Variants in CACNA2D2 observed in about 807,000 individuals in gnomAD.
CACNA2D2 encodes the protein voltage-dependent calcium channel subunit alpha-2/delta-2.
A neutral mutation model predicts 166.4 loss-of-function variants in CACNA2D2; 48 were observed. That is an observed-to-expected ratio of 0.29 (90% confidence interval 0.23 to 0.37). The LOEUF is 0.37. Ranked by LOEUF, CACNA2D2 falls within the 10% of genes least tolerant of loss-of-function variation. The probability of loss-of-function intolerance (pLI) is 1.00; values close to 1 mark genes in which losing one functional copy is unlikely to be tolerated. For synonymous variants in CACNA2D2, 561 were observed against 573.7 expected (o/e 0.98, Z 0.32); for missense variants, 1,122 against 1,433.0 (o/e 0.78, Z 3.50).
At chr3:50,414,183 G>A (rs1707163141) in intron 3 of CACNA2D2, among the ~76,000 whole-genome samples, 1 of 151,966 alleles carries the variant, frequency 6.6e-6, no homozygotes, top group Non-Finnish European at 1.5e-5. Context: ...CTCTGGACCC[G>A]CAAAAACAGC....
chr3:50,407,954 C>T lies in CACNA2D2; in HGVS notation c.406-13786G>A, dbSNP rs565471333. On this transcript the variant is annotated intron_variant, in intron 3 of 37. Coordinates refer to ENST00000424201, the MANE Select transcript of CACNA2D2 (RefSeq NM_006030.4). Reference sequence around the variant, plus strand: ...TAGGCCTTCGATTCTCCTGGGCCTCCCTGGACTCAGGGATTGGTGCGGTAG... The same window carrying T: ...TAGGCCTTCGATTCTCCTGGGCCTCTCTGGACTCAGGGATTGGTGCGGTAG... Among the ~76,000 whole-genome samples the T allele has an allele frequency of 2.0e-5, 3 of 152,184 alleles. No homozygotes were observed. The South Asian group carries it at 6.2e-4, about 32-fold the overall frequency.
intron 1 of CACNA2D2, among the ~76,000 whole-genome samples, chr3:50,496,137 A>T (rs1698712534): frequency 1.3e-5 from 2 of 152,180 alleles, no homozygotes; most frequent in African/African-American, 4.8e-5. Context: ...ATTAACCTCA[A>T]AGGCAGGTGG....
At chr3:50,501,831 C>T (rs1401234266) in intron 1 of CACNA2D2, among the ~76,000 whole-genome samples, 1 of 152,122 alleles carries the variant, frequency 6.6e-6, no homozygotes, top group Admixed American at 6.5e-5. Flanking sequence ...AAGACAATAA[C>T]GCATCCACCA....
Position 50,367,190 on chromosome 3 carries a change from G to GTCCAATCCCGGGATGAC in CACNA2D2, c.2402-98_2402-82dup, listed in dbSNP as rs1704355688. ...TATGCTGGGTCCTACAAACCCAGCA[G>GTCCAATCCCGGGATGAC]TCCAATCCCGGGATGACTCCAGCCC... On this transcript the variant is annotated intron_variant, in intron 27 of 37. Transcript: ENST00000424201. This position sits in a 1 kb window ranked among gnomAD's most constrained non-coding sequence, Gnocchi z 6.5. The GTCCAATCCCGGGATGAC allele has an allele frequency of 8.7e-7, 1 of 1,155,260 alleles. No individual in the cohort carries two copies. Among genetic ancestry groups the GTCCAATCCCGGGATGAC allele is most frequent in the South Asian group, 1.3e-5 (1 of 77,578 alleles). 71.6% of individuals were successfully genotyped at this position (1,155,260 alleles called of 1,614,324 possible). A position where few individuals can be genotyped will look rare whatever the true frequency, so the allele number is the denominator to read the frequency against.
At chr3:50,469,070 C>A (rs1162671082) in intron 2 of CACNA2D2, among the ~76,000 whole-genome samples, 1 of 152,040 alleles carries the variant, frequency 6.6e-6, no homozygotes, top group Admixed American at 6.6e-5. Context: ...CTCAAATGAT[C>A]TGCCCGCCTC....
intron 3 of CACNA2D2, among the ~76,000 whole-genome samples, chr3:50,429,613 A>T (rs1286242512): frequency 2.3e-5 from 3 of 130,822 alleles, no homozygotes; most frequent in Non-Finnish European, 4.9e-5. Flanking sequence ...AAAAAAAAAA[A>T]AAAAAAATTA....
At chr3:50,384,484 G>T in intron 5 of CACNA2D2, 147 bp from the exon 6 acceptor site, 1 of 969,928 alleles carries the variant, frequency 1.0e-6, no homozygotes, top group Non-Finnish European at 1.5e-6. Context: ...AGACACAGAT[G>T]GAGAGACTCA....
At position 50,377,750 on chromosome 3, in the gene CACNA2D2, A is replaced by G; in HGVS notation, c.1533T>C (p.Asp511=). 1.2e-6 allele frequency: 2 copies of G among 1,613,160 alleles called. No individual in the cohort carries two copies. The highest frequency in any genetic ancestry group is 4.5e-5 in the East Asian group (2 of 44,866). ...GTLPVFNLTQ[D]GPGEKKNQLI... Reference sequence around the variant, plus strand: ...TCCTCACCTTCTTTTCCCCAGGGCCATCCTGTGTCAGGTTGAAAACAGGGA... The same window carrying G: ...TCCTCACCTTCTTTTCCCCAGGGCCGTCCTGTGTCAGGTTGAAAACAGGGA... The change falls in exon 16 of 38, where the codon GAT becomes GAC. Residue 511 remains aspartate, a synonymous_variant. Transcript: ENST00000424201.
chr3:50,471,647 G>T lies in CACNA2D2; in HGVS notation c.288+4471C>A, dbSNP rs149564417. Among the ~76,000 whole-genome samples the T allele has an allele frequency of 1.2e-3, 183 of 152,310 alleles. 1 individual carries two copies. Among genetic ancestry groups the T allele is most frequent in the African/African-American group, 4.1e-3 (169 of 41,562 alleles). On this transcript the variant is annotated intron_variant, in intron 2 of 37. Coordinates refer to ENST00000424201, the MANE Select transcript of CACNA2D2 (RefSeq NM_006030.4). ...TGTGTTTCAGATGTTGGTGGTGCCG[G>T]CTGAGGTGGAGGGTGGAAGGGGACA...
rs535544729 is a variant in CACNA2D2, at chr3:50,478,046, T to C, written c.207-1847A>G. On this transcript the variant is annotated intron_variant, in intron 1 of 37. Coordinates refer to ENST00000424201, the MANE Select transcript of CACNA2D2 (RefSeq NM_006030.4). ...TTTGCCAAGCTGAATGTCAGGACCA[T>C]GATGGAAAAAAAAAAAATCAACATC... Among the ~76,000 whole-genome samples the C allele has an allele frequency of 3.3e-5, 5 of 151,228 alleles. No individual in the cohort carries two copies. The East Asian group carries it at 7.8e-4, about 23-fold the overall frequency.
At chr3:50,400,618 C>T (rs939665363) in intron 3 of CACNA2D2, among the ~76,000 whole-genome samples, 2 of 152,180 alleles carry the variant, frequency 1.3e-5, no homozygotes, top group African/African-American at 4.8e-5. Context: ...CAGTGAGGGC[C>T]GAGCAGGGTC....
intron 3 of CACNA2D2, among the ~76,000 whole-genome samples, chr3:50,399,741 G>T (rs1179689400): frequency 6.6e-6 from 1 of 152,200 alleles, no homozygotes; most frequent in Non-Finnish European, 1.5e-5. Context: ...TTCGCCTGGT[G>T]GTAAAGCCCA....
chr3:50,370,457 GAA>G, intron 22 of CACNA2D2, 77 bp from the exon 23 acceptor site: 1 of 402,692 alleles, frequency 2.5e-6, no homozygotes. Flanking sequence ...GACGGGGCTG[GAA>G]GGACAGGGGA....
chr3:50,367,173 G>T lies in CACNA2D2; in HGVS notation c.2402-64C>A. The T allele has an allele frequency of 2.3e-6, 3 of 1,301,826 alleles. No homozygotes were observed. The highest frequency in any genetic ancestry group is 3.3e-6 in the Non-Finnish European group (3 of 910,168). The allele number at this position is 1,301,826 out of a possible 1,614,324, so 80.6% of individuals were successfully genotyped here. A position where few individuals can be genotyped will look rare whatever the true frequency, so the allele number is the denominator to read the frequency against. The stretch of plus-strand genomic sequence containing the variant: ...GGCCACACTGACCACTCTATGCTGG[G>T]TCCTACAAACCCAGCAGTCCAATCC... On this transcript the variant is annotated intron_variant, in intron 27 of 37. Transcript: ENST00000424201. The surrounding 1 kb of genome is among the most constrained non-coding windows in gnomAD (Gnocchi z 6.5).
chr3:50,493,052 T>C (rs1698582205), intron 1 of CACNA2D2, among the ~76,000 whole-genome samples: 1 of 152,206 alleles, frequency 6.6e-6, no homozygotes, highest in Non-Finnish European at 1.5e-5. Context: ...CTGATGTGGT[T>C]AAAACAACTA....
intron 6 of CACNA2D2, among the ~76,000 whole-genome samples, chr3:50,383,243 C>T (rs1705426892): frequency 6.6e-6 from 1 of 152,170 alleles, no homozygotes; most frequent in South Asian, 2.1e-4. Context: ...GCATCCTTCC[C>T]CACCCTGGCC....
intron 2 of CACNA2D2, among the ~76,000 whole-genome samples, chr3:50,467,746 C>A (rs72938712): frequency 6.6e-6 from 1 of 152,188 alleles, no homozygotes; most frequent in East Asian, 1.9e-4. Flanking sequence ...GTCTCTCCCC[C>A]TCTCCATGGA....
chr3:50,431,980 CAAAAAAAAAAAAA>C (rs57712165), intron 3 of CACNA2D2, among the ~76,000 whole-genome samples: 1 of 92,248 alleles, frequency 1.1e-5, no homozygotes, highest in South Asian at 4.2e-4. Context: ...GTGTCTGTCT[CAAAAAAAAAAAAA>C]AAAAAAACAA....
chr3:50,473,921 C>T (rs922639167), intron 2 of CACNA2D2, among the ~76,000 whole-genome samples: 2 of 152,224 alleles, frequency 1.3e-5, no homozygotes, highest in African/African-American at 2.4e-5. Flanking sequence ...TGGCAGCCAT[C>T]GGCAGGCAGA....
Sources: gnomAD v4.1 joint callset for allele counts (sites outside exome capture counted in the v4.1 genomes callset) on GRCh38, gnomAD v4.1.1 for gene constraint, Gnocchi (gnomAD v3.1) non-coding constraint, MANE v1.5 for transcripts, NCBI Gene and HGNC (gene_info 2026-07-23, HGNC 2026-07-21) for gene names.